LPA: variants seen among roughly 807,000 people sequenced by gnomAD.
LPA encodes lipoprotein(a), also known as apolipoprotein(a).
Under a neutral mutation model 197.9 loss-of-function variants are expected in LPA, and 199 were observed. The ratio of observed to expected loss-of-function variants is 1.01; its 90% confidence interval spans 0.90 to 1.13. The LOEUF (loss-of-function observed/expected upper bound fraction) is 1.13. Ranked by LOEUF, LPA falls within the 50% of genes most tolerant of loss-of-function variation. The pLI is 0.00. For missense variants in LPA, 1,853 were observed against 1,785.8 expected (o/e 1.04, Z -0.68); for synonymous variants, 715 against 639.5 (o/e 1.12, Z -1.78).
intron 37 of LPA, among the ~76,000 whole-genome samples, chr6:160,536,799 A>G (rs1057376972): frequency 6.6e-6 from 1 of 152,218 alleles, no homozygotes; most frequent in Non-Finnish European, 1.5e-5. Context: ...CAAGGAGGTG[A>G]GGTTTTAAAA....
chr6:160,647,439 T>A (rs941720317), intron 2 of LPA, among the ~76,000 whole-genome samples: 2 of 152,098 alleles, frequency 1.3e-5, no homozygotes, highest in Non-Finnish European at 2.9e-5. Flanking sequence ...GATCCAACAT[T>A]GTGTCTCTAG....
intron 6 of LPA, among the ~76,000 whole-genome samples, chr6:160,635,732 C>T (rs1779805093): frequency 9.9e-6 from 1 of 101,128 alleles, no homozygotes; most frequent in Non-Finnish European, 2.0e-5. Context: ...CTCGGTAGGA[C>T]TTCATATTCT....
intron 28 of LPA, among the ~76,000 whole-genome samples, chr6:160,576,360 A>ATGGG (rs1778664292): frequency 4.1e-5 from 1 of 24,336 alleles, no homozygotes; most frequent in Admixed American, 6.3e-4. Context: ...ATATATATAT[A>ATGGG]TATATACATA....
At chr6:160,663,523 C>T (rs551255927) in intron 1 of LPA, among the ~76,000 whole-genome samples, 11 of 152,280 alleles carry the variant, frequency 7.2e-5, no homozygotes, top group East Asian at 3.9e-4. Context: ...CAATCACACA[C>T]GGTGTGTATG....
chr6:160,547,832 G>A lies in LPA; in HGVS notation c.5261C>T (p.Thr1754Met), dbSNP rs537600635. The A allele has an allele frequency of 1.3e-4, 202 of 1,614,058 alleles. 1 individual carries two copies. In the South Asian group the frequency reaches 1.9e-3, roughly 15 times the overall value. Residue 1754 changes from threonine to methionine, a missense_variant, in exon 32 of 39, where the codon ACG (threonine) becomes ATG (methionine). Thr to Met is a moderately conservative substitution (Grantham distance 81, BLOSUM62 -1). This residue lies in a region of LPA where 1,737 missense variants were observed against 1,504.4 expected (regional missense o/e 1.15). Coordinates refer to ENST00000316300, the MANE Select transcript of LPA (RefSeq NM_005577.4). ...CCATTTATTTGTCCCTGGAATGAAC[G>A]TGCTGTGTCTATGGGGCTCCTGGGC... ...WAAQEPHRHSTFIPGTNKWAG... is the reference protein window; with the variant it reads ...WAAQEPHRHSMFIPGTNKWAG...
At chr6:160,590,811 C>A (rs911236061) in intron 23 of LPA, 133 bp downstream of exon 23, 8 of 1,273,416 alleles carry the variant, frequency 6.3e-6, no homozygotes, top group African/African-American at 1.5e-5. Flanking sequence ...GCTGAGGCTT[C>A]CTTCCCATTG....
intron 32 of LPA, among the ~76,000 whole-genome samples, chr6:160,546,032 T>C (rs1409593008): frequency 1.3e-5 from 2 of 152,146 alleles, no homozygotes; most frequent in African/African-American, 4.8e-5. Context: ...GTATATTGGG[T>C]CTCTGCCCCC....
At chr6:160,646,120 C>T in intron 3 of LPA, 94 bp downstream of exon 3, 3 of 7,542 alleles carry the variant, frequency 4.0e-4, no homozygotes, top group Non-Finnish European at 8.6e-4. Flanking sequence ...CTCGAGCATC[C>T]GTTTACCATT....
intron 18 of LPA, among the ~76,000 whole-genome samples, chr6:160,602,700 A>C (rs966520843): frequency 1.3e-5 from 2 of 152,102 alleles, no homozygotes; most frequent in African/African-American, 4.8e-5. Flanking sequence ...TTTTTGGTTT[A>C]TTTATTTGGG....
intron 28 of LPA, among the ~76,000 whole-genome samples, chr6:160,572,589 A>G (rs907941095): frequency 6.7e-6 from 1 of 148,476 alleles, no homozygotes; most frequent in Non-Finnish European, 1.5e-5. Flanking sequence ...CAGTTCTTCT[A>G]GTGGTGACTT....
At chr6:160,566,172 T>A (rs1354923235) in intron 28 of LPA, among the ~76,000 whole-genome samples, 10 of 151,990 alleles carry the variant, frequency 6.6e-5, no homozygotes, top group African/African-American at 2.4e-4. Flanking sequence ...ATTCAGGAAA[T>A]ACAGAGAATG....
chr6:160,559,938 CT>C (rs1000595914), intron 28 of LPA, among the ~76,000 whole-genome samples: 1 of 152,180 alleles, frequency 6.6e-6, no homozygotes, highest in Admixed American at 6.5e-5. Context: ...AATCCCTCCC[CT>C]AGCCTCAACT....
In LPA at chr6:160,540,186, A is replaced by T. The variant is rs910980065; in HGVS notation, c.5595-3T>A. The T allele has an allele frequency of 1.2e-6, 2 of 1,614,210 alleles. No individual in the cohort carries two copies. The highest frequency in any genetic ancestry group is 1.7e-6 in the Non-Finnish European group (2 of 1,180,038). On this transcript the variant is annotated splice_region_variant and splice_polypyrimidine_tract_variant and intron_variant, in intron 35 of 38. Transcript: ENST00000316300. ...TGTAGGATGAAGGCCTTGAGGACCT[A>T]GAAAAGATGAGGATGTCAAGAGAAA...
intron 30 of LPA, among the ~76,000 whole-genome samples, chr6:160,550,452 C>T (rs1778150432): frequency 1.3e-5 from 2 of 152,154 alleles, no homozygotes; most frequent in Non-Finnish European, 2.9e-5. Flanking sequence ...ATTCTCCATT[C>T]CAGCAAGCTG....
chr6:160,610,238 G>C (rs980095104), intron 16 of LPA, among the ~76,000 whole-genome samples: 4 of 152,118 alleles, frequency 2.6e-5, no homozygotes, highest in African/African-American at 9.7e-5. Flanking sequence ...AATTGACTTT[G>C]TTGTTTACTT....
intron 26 of LPA, 111 bp downstream of exon 26, chr6:160,584,935 A>T (rs529656243): frequency 1.8e-4 from 203 of 1,128,886 alleles, no homozygotes; most frequent in Non-Finnish European, 2.6e-4. Flanking sequence ...TTTGCTACAA[A>T]CTCTGAGTCT....
intron 22 of LPA, among the ~76,000 whole-genome samples, chr6:160,592,657 C>T (rs1562335466): frequency 6.6e-6 from 1 of 152,156 alleles, no homozygotes; most frequent in African/African-American, 2.4e-5. Context: ...TGTATTCGTT[C>T]CTTACCTCTA....
chr6:160,591,211 T>C (rs968258686), intron 22 of LPA, 110 bp from the exon 23 acceptor site: 1 of 1,365,602 alleles, frequency 7.3e-7, no homozygotes, highest in Non-Finnish European at 1.0e-6. Flanking sequence ...CTTTGAAATA[T>C]TCTCACTAAA....
chr6:160,564,519 T>C (rs969206241), intron 28 of LPA, among the ~76,000 whole-genome samples: 1 of 152,000 alleles, frequency 6.6e-6, no homozygotes, highest in African/African-American at 2.4e-5. Flanking sequence ...CTTGTGATCG[T>C]GAGAGAGGGG....
Sources: gnomAD v4.1 joint callset for allele counts (sites outside exome capture counted in the v4.1 genomes callset) on GRCh38, gnomAD v4.1.1 for gene constraint, gnomAD v4.1.1 regional missense constraint, MANE v1.5 for transcripts, NCBI Gene and HGNC (gene_info 2026-07-23, HGNC 2026-07-21) for gene names.